Variants in SYCP1 observed in about 807,000 individuals in gnomAD.
The protein encoded by SYCP1 is synaptonemal complex protein 1, also known as cancer/testis antigen 8.
In SYCP1, 64 loss-of-function variants were observed where a neutral mutation model predicts 153.1. That is an observed-to-expected ratio of 0.42 (90% CI 0.34 to 0.51). The LOEUF (loss-of-function observed/expected upper bound fraction) is 0.51. Ranked by LOEUF, SYCP1 falls within the 20% of genes least tolerant of loss-of-function variation. SYCP1 has a pLI of 0.06. For missense variants in SYCP1, 997 were observed against 1,049.0 expected (o/e 0.95, Z 0.68); for synonymous variants, 384 against 341.8 (o/e 1.12, Z -1.36).
chr1:114,982,607 T>A (rs1296467411), intron 29 of SYCP1, among the ~76,000 whole-genome samples: 1 of 151,932 alleles, frequency 6.6e-6, no homozygotes, highest in Non-Finnish European at 1.5e-5. Flanking sequence ...TTTAGTGAGA[T>A]GTTGTTTTCA....
chr1:114,926,246 TA>T, intron 21 of SYCP1, 31 bp from the exon 22 acceptor site: 1 of 1,447,782 alleles, frequency 6.9e-7, no homozygotes, highest in Non-Finnish European at 9.2e-7. Flanking sequence ...GTATACTGAA[TA>T]AAATAGCTAT....
chr1:114,983,110 C>A (rs1205615206), intron 29 of SYCP1, among the ~76,000 whole-genome samples: 2 of 151,956 alleles, frequency 1.3e-5, no homozygotes, highest in East Asian at 3.9e-4. Context: ...AGGTAGTTGA[C>A]AACTCTGCCT....
At chr1:114,873,305 C>G (rs1665284764) in intron 8 of SYCP1, among the ~76,000 whole-genome samples, 1 of 152,024 alleles carries the variant, frequency 6.6e-6, no homozygotes, top group African/African-American at 2.4e-5. Context: ...TTCTATAGAC[C>G]TATGGTTAGG....
chr1:114,934,703 G>A (rs752092247), intron 23 of SYCP1, among the ~76,000 whole-genome samples: 71 of 152,162 alleles, frequency 4.7e-4, no homozygotes, highest in Non-Finnish European at 9.6e-4. Context: ...GAATAAAGGG[G>A]TGGAGAAAGA....
At chr1:114,983,205 T>C (rs1673277867) in intron 29 of SYCP1, among the ~76,000 whole-genome samples, 1 of 151,996 alleles carries the variant, frequency 6.6e-6, no homozygotes, top group South Asian at 2.1e-4. Context: ...CCTGAGCCTA[T>C]AGATAGCCCT....
At chr1:114,898,434 G>A (rs970559521) in intron 16 of SYCP1, among the ~76,000 whole-genome samples, 6 of 152,036 alleles carry the variant, frequency 3.9e-5, no homozygotes, top group South Asian at 2.1e-4. Context: ...TCATCTGTCC[G>A]GATTTGCAAG....
chr1:114,858,200 A>G (rs1664143071), intron 5 of SYCP1, among the ~76,000 whole-genome samples: 1 of 152,132 alleles, frequency 6.6e-6, no homozygotes, highest in African/African-American at 2.4e-5. Flanking sequence ...CTGTTTGTAT[A>G]ATCAAAGTGT....
chr1:114,946,387 A>T lies in SYCP1; in HGVS notation c.2247+6A>T, dbSNP rs1570831173. ...CATCACTGAGAGCATCTTTGGTGAGATACAGAAAAAATTGCAGTAACGGCC... is the reference window on the plus strand; with the variant it reads ...CATCACTGAGAGCATCTTTGGTGAGTTACAGAAAAAATTGCAGTAACGGCC... On this transcript the variant is annotated splice_donor_region_variant and intron_variant, in intron 26 of 31. Coordinates refer to ENST00000369522, the MANE Select transcript of SYCP1 (RefSeq NM_003176.4). 6.4e-7 allele frequency: 1 copy of T among 1,568,748 alleles called. No homozygotes were observed. Among genetic ancestry groups the T allele is most frequent in the East Asian group, 2.4e-5 (1 of 41,580 alleles).
At chr1:114,929,598 AAGTAGTATT>A (rs1406839428) in intron 23 of SYCP1, among the ~76,000 whole-genome samples, 1 of 152,064 alleles carries the variant, frequency 6.6e-6, no homozygotes, top group East Asian at 1.9e-4. Context: ...AATATAAGAC[AAGTAGTATT>A]ATTAAAGATC....
In SYCP1 at chr1:114,920,158, A is replaced by T. The variant is rs528708381; in HGVS notation, c.1719-3291A>T. Reference sequence around the variant, plus strand: ...CTTAATACTCCTTTTGCTGTATCCCATAGGTTTTGGTATGTTATCTTTCTA... The same window carrying T: ...CTTAATACTCCTTTTGCTGTATCCCTTAGGTTTTGGTATGTTATCTTTCTA... On this transcript the variant is annotated intron_variant, in intron 20 of 31. Transcript: ENST00000369522. Among the ~76,000 whole-genome samples the T allele has an allele frequency of 3.9e-5, 6 of 152,108 alleles. No homozygotes were observed. The South Asian group carries it at 1.2e-3, about 32-fold the overall frequency.
intron 15 of SYCP1, among the ~76,000 whole-genome samples, chr1:114,890,781 A>G (rs1308042025): frequency 6.6e-6 from 1 of 152,180 alleles, no homozygotes; most frequent in Non-Finnish European, 1.5e-5. Context: ...CTAATTGGTT[A>G]TCTGGTGCTC....
At chr1:114,973,795 G>A (rs1254281097) in intron 27 of SYCP1, among the ~76,000 whole-genome samples, 1 of 151,770 alleles carries the variant, frequency 6.6e-6, no homozygotes, top group Non-Finnish European at 1.5e-5. Context: ...TTGATTTACT[G>A]TATTATTTCA....
intron 20 of SYCP1, among the ~76,000 whole-genome samples, chr1:114,915,884 A>C (rs1668479626): frequency 6.6e-6 from 1 of 152,176 alleles, no homozygotes; most frequent in Non-Finnish European, 1.5e-5. Flanking sequence ...CTCTGTCTGC[A>C]AGACAGGAAA....
chr1:114,984,575 C>A, intron 29 of SYCP1, 150 bp from the exon 30 acceptor site: 1 of 442,978 alleles, frequency 2.3e-6, no homozygotes, highest in Non-Finnish European at 3.7e-6. Context: ...AAATTCTTAT[C>A]CAAAATTTTT....
In SYCP1 at chr1:114,885,158, T is replaced by G. The variant is rs74116164; in HGVS notation, c.911-377T>G. Among the ~76,000 whole-genome samples, 878 of 152,270 alleles carry G rather than the reference T, an allele frequency of 5.8e-3. 8 individuals carry two copies. Among genetic ancestry groups the G allele is most frequent in the African/African-American group, 0.02 (838 of 41,554 alleles). ...TATTGTTTTAAACCCACTCTTTTTA[T>G]TCTATGTTTTATGAATATCCAAATT... On this transcript the variant is annotated intron_variant, in intron 12 of 31. Transcript: ENST00000369522.
intron 24 of SYCP1, 28 bp downstream of exon 24, chr1:114,944,483 T>C: frequency 2.4e-6 from 3 of 1,233,348 alleles, no homozygotes; most frequent in Non-Finnish European, 3.4e-6. Flanking sequence ...TATTAAGAAC[T>C]TATTATACTA....
At chr1:114,895,267 T>C (rs1057135318) in intron 15 of SYCP1, among the ~76,000 whole-genome samples, 181 bp from the exon 16 acceptor site, 2 of 152,124 alleles carry the variant, frequency 1.3e-5, no homozygotes, top group African/African-American at 4.8e-5. Flanking sequence ...TTACTATTAA[T>C]ATTTATCTTT....
At chr1:114,972,226 G>A (rs1446636641) in intron 27 of SYCP1, among the ~76,000 whole-genome samples, 3 of 151,874 alleles carry the variant, frequency 2.0e-5, no homozygotes, top group African/African-American at 4.8e-5. Context: ...GTAACCTCTA[G>A]CGATCCTTTG....
intron 8 of SYCP1, among the ~76,000 whole-genome samples, chr1:114,871,461 C>G (rs1665118857): frequency 6.6e-6 from 1 of 152,118 alleles, no homozygotes; most frequent in African/African-American, 2.4e-5. Context: ...AGCCACCAGG[C>G]CCGGCTGGCC....
Sources: allele counts gnomAD v4.1 joint callset (sites outside exome capture counted in the v4.1 genomes callset), GRCh38; gene constraint gnomAD v4.1.1; transcripts MANE v1.5; gene names NCBI Gene and HGNC (gene_info 2026-07-23, HGNC 2026-07-21).